Variants in VPS13C observed in about 807,000 individuals in gnomAD.
The protein encoded by VPS13C is intermembrane lipid transfer protein VPS13C.
VPS13C carries 358 observed loss-of-function variants against 456.8 expected under a neutral mutation model. The ratio of observed to expected loss-of-function variants is 0.78; its 90% CI spans 0.72 to 0.86. The LOEUF (loss-of-function observed/expected upper bound fraction) is 0.86. Ranked by LOEUF, VPS13C falls within the 40% of genes least tolerant of loss-of-function variation. The pLI is 0.00. For missense variants in VPS13C, 4,818 were observed against 4,385.4 expected (o/e 1.10, Z -2.79); for synonymous variants, 1,578 against 1,486.7 (o/e 1.06, Z -1.41).
At chr15:61,861,663 G>A (rs1379836475) in intron 82 of VPS13C, among the ~76,000 whole-genome samples, 1 of 152,090 alleles carries the variant, frequency 6.6e-6, no homozygotes, top group East Asian at 1.9e-4. Context: ...AACACAGTGA[G>A]AGACCCCATT....
At chr15:61,959,342 CTT>C in intron 36 of VPS13C, 104 bp downstream of exon 36, 1 of 986,634 alleles carries the variant, frequency 1.0e-6, no homozygotes, top group Non-Finnish European at 1.4e-6. Context: ...TGAAATTTCT[CTT>C]ATACTATTCA....
chr15:62,001,142 G>A (rs1284575044), intron 15 of VPS13C, among the ~76,000 whole-genome samples: 2 of 152,196 alleles, frequency 1.3e-5, no homozygotes, highest in Non-Finnish European at 2.9e-5. Flanking sequence ...GGTGACCTGT[G>A]TTCCAAGTGC....
chr15:61,896,596 G>T (rs1271569294), intron 66 of VPS13C, among the ~76,000 whole-genome samples: 1 of 152,244 alleles, frequency 6.6e-6, no homozygotes, highest in African/African-American at 2.4e-5. Flanking sequence ...GGCTCGGAGG[G>T]TCCTACGCCC....
At chr15:61,997,335 G>A (rs2046422461) in intron 16 of VPS13C, among the ~76,000 whole-genome samples, 1 of 152,076 alleles carries the variant, frequency 6.6e-6, no homozygotes, top group Non-Finnish European at 1.5e-5. Flanking sequence ...AACAATAGAA[G>A]CTTTGGATCT....
chr15:61,923,978 G>C (rs1351741403), intron 53 of VPS13C, among the ~76,000 whole-genome samples: 3 of 139,414 alleles, frequency 2.2e-5, no homozygotes, highest in Non-Finnish European at 4.6e-5. Flanking sequence ...CCATTCTCCT[G>C]CCTCAGCCTC....
chr15:61,920,334 G>A lies in VPS13C; in HGVS notation c.7213-3C>T, dbSNP rs918532459. The A allele has an allele frequency of 6.3e-6, 10 of 1,588,290 alleles. No homozygotes were observed. Among genetic ancestry groups the A allele is most frequent in the Admixed American group, 1.7e-5 (1 of 57,634 alleles). On this transcript the variant is annotated splice_polypyrimidine_tract_variant and splice_region_variant and intron_variant, in intron 56 of 84. Coordinates refer to ENST00000644861, the MANE Select transcript of VPS13C (RefSeq NM_020821.3). ...GAAGCAGTGCCCTCTGAAAAACCCTGAAAAGGAACATATCATCACAGTAAA... is the reference window on the plus strand; with the variant it reads ...GAAGCAGTGCCCTCTGAAAAACCCTAAAAAGGAACATATCATCACAGTAAA...
chr15:61,962,030 G>C lies in VPS13C; in HGVS notation c.3604-137C>G, dbSNP rs577781835. The C allele has an allele frequency of 7.0e-6, 7 of 995,076 alleles. No individual in the cohort carries two copies. The African/African-American group carries it at 9.8e-5, about 14-fold the overall frequency. 61.6% of individuals were successfully genotyped at this position (995,076 alleles called of 1,614,324 possible). On this transcript the variant is annotated intron_variant, in intron 34 of 84. Transcript: ENST00000644861. ...TCCATTGAGCCCTATTTTTCTAGCA[G>C]TATTAAGAAATTACGGATAATCCAT...
At chr15:61,974,545 G>A in intron 24 of VPS13C, 128 bp from the exon 25 acceptor site, 1 of 899,782 alleles carries the variant, frequency 1.1e-6, no homozygotes, top group Non-Finnish European at 1.6e-6. Flanking sequence ...TTACACTAAT[G>A]CCTCATTTAG....
intron 29 of VPS13C, among the ~76,000 whole-genome samples, chr15:61,966,886 C>T (rs1427393622): frequency 1.3e-5 from 2 of 151,976 alleles, no homozygotes; most frequent in Admixed American, 1.3e-4. Context: ...CAGAAGTATT[C>T]AATAAATAGC....
Position 61,899,009 on chromosome 15 carries a change from T to C in VPS13C, c.9105+8255A>G, listed in dbSNP as rs1479903089. 5.2e-5 allele frequency among the ~76,000 whole-genome samples: 4 copies of C among 77,008 alleles called. No individual in the cohort carries two copies. The South Asian group carries it at 1.9e-3, about 36-fold the overall frequency. The allele number at this position is 77,008 out of a possible 152,430, so 50.5% of individuals were successfully genotyped here. A position where few individuals can be genotyped will look rare whatever the true frequency, so the allele number is the denominator to read the frequency against. On this transcript the variant is annotated intron_variant, in intron 66 of 84. Coordinates refer to ENST00000644861, the MANE Select transcript of VPS13C (RefSeq NM_020821.3). ...AACCTGCTCCTGAATGACTACTGGGTACATAACGAAATGAAGGCAGAAATA... is the reference window on the plus strand; with the variant it reads ...AACCTGCTCCTGAATGACTACTGGGCACATAACGAAATGAAGGCAGAAATA...
chr15:61,991,278 C>A (rs928895440), intron 17 of VPS13C, among the ~76,000 whole-genome samples, 184 bp from the exon 18 acceptor site: 3 of 151,994 alleles, frequency 2.0e-5, no homozygotes, highest in African/African-American at 7.3e-5. Flanking sequence ...TTGCTAAGGT[C>A]AAGAAAAGGC....
At chr15:61,883,669 A>G (rs914698340) in intron 68 of VPS13C, among the ~76,000 whole-genome samples, 2 of 152,058 alleles carry the variant, frequency 1.3e-5, no homozygotes, top group African/African-American at 4.8e-5. Flanking sequence ...AATCACTCAC[A>G]TTTAATGAAT....
At chr15:62,032,163 A>G (rs544216839) in intron 5 of VPS13C, among the ~76,000 whole-genome samples, 1 of 151,950 alleles carries the variant, frequency 6.6e-6, no homozygotes, top group East Asian at 1.9e-4. Flanking sequence ...AATAGTTTCA[A>G]GAAAAAGTGA....
intron 58 of VPS13C, 122 bp downstream of exon 58, chr15:61,919,167 C>T (rs1019036511): frequency 3.2e-6 from 3 of 930,596 alleles, no homozygotes; most frequent in African/African-American, 3.5e-5. Context: ...TGAATAATTA[C>T]TATTTATTTC....
intron 66 of VPS13C, among the ~76,000 whole-genome samples, chr15:61,896,256 G>A (rs2042807871): frequency 6.6e-6 from 1 of 152,204 alleles, no homozygotes; most frequent in South Asian, 2.1e-4. Flanking sequence ...AGCCAAGATG[G>A]CCGAATAGGA....
chr15:61,920,723 C>A (rs973463745), intron 55 of VPS13C, 76 bp from the exon 56 acceptor site: 2 of 1,344,340 alleles, frequency 1.5e-6, no homozygotes, highest in African/African-American at 3.0e-5. Flanking sequence ...GAGTTCAGTT[C>A]TCCTAAACTG....
chr15:62,053,367 A>G (rs1245340997), intron 1 of VPS13C, among the ~76,000 whole-genome samples: 1 of 152,168 alleles, frequency 6.6e-6, no homozygotes, highest in Non-Finnish European at 1.5e-5. Flanking sequence ...TTAAGACAAT[A>G]TATTACAGTA....
intron 37 of VPS13C, among the ~76,000 whole-genome samples, chr15:61,955,716 C>A (rs1481278465): frequency 1.3e-5 from 2 of 151,996 alleles, no homozygotes; most frequent in Non-Finnish European, 2.9e-5. Flanking sequence ...ATTTAAAAAA[C>A]CAGTAAATTT....
chr15:61,981,326 A>C lies in VPS13C; in HGVS notation c.2166+16T>G, dbSNP rs758208936. 1 of 1,576,032 alleles carries C rather than the reference A, an allele frequency of 6.3e-7. No homozygotes were observed. The highest frequency in any genetic ancestry group is 1.2e-5 in the South Asian group (1 of 84,324). On this transcript the variant is annotated intron_variant, in intron 22 of 84. Transcript: ENST00000644861. The stretch of plus-strand genomic sequence containing the variant: ...AGGTCAAAGATGGGCAGACAAAAAA[A>C]CGCATATATACCTACCTGAAATGTA...
Sources: allele counts gnomAD v4.1 joint callset (sites outside exome capture counted in the v4.1 genomes callset), GRCh38; gene constraint gnomAD v4.1.1; transcripts MANE v1.5; gene names NCBI Gene and HGNC (gene_info 2026-07-23, HGNC 2026-07-21).